The following PIP5K1B variants were observed in gnomAD, a reference collection of about 807,000 sequenced individuals.
PIP5K1B encodes the protein phosphatidylinositol-4-phosphate 5-kinase type 1 beta, also known as phosphatidylinositol 4-phosphate 5-kinase type-1 beta.
A neutral mutation model predicts 67.0 loss-of-function variants in PIP5K1B; 42 were observed. That is an observed-to-expected ratio of 0.63 (90% CI 0.49 to 0.81). PIP5K1B has a LOEUF of 0.81. Among genes scored for constraint, PIP5K1B ranks in the 30% least tolerant of loss-of-function variants. The pLI is 0.00. For synonymous variants in PIP5K1B, 214 were observed against 231.4 expected (o/e 0.92, Z 0.68); for missense variants, 459 against 646.3 (o/e 0.71, Z 3.14).
intron 2 of PIP5K1B, among the ~76,000 whole-genome samples, chr9:68,796,806 C>T (rs1384078096): frequency 6.6e-6 from 1 of 152,164 alleles, no homozygotes; most frequent in Admixed American, 6.5e-5. Flanking sequence ...AGGTCACCAC[C>T]GTTTCCGTCT....
chr9:68,754,175 C>CTTTTTTTTTTTTTTTTTTTTTTTTTTT lies in PIP5K1B; in HGVS notation c.-86+11530_-86+11531insTTTTTTTTTTTTTTTTTTTTTTTTTTT, dbSNP rs71353081. On this transcript the variant is annotated intron_variant, in intron 2 of 15. Transcript: ENST00000265382. Reference sequence around the variant, plus strand: ...AGTCTTCTTTTATGTTCCATGATTTCTTTTTTTTTTTTGAGACAGAGTCTC... The same window carrying CTTTTTTTTTTTTTTTTTTTTTTTTTTT: ...AGTCTTCTTTTATGTTCCATGATTTCTTTTTTTTTTTTTTTTTTTTTTTTTTTTTTTTTTTTTTTGAGACAGAGTCTC... 4.7e-4 allele frequency among the ~76,000 whole-genome samples: 48 copies of CTTTTTTTTTTTTTTTTTTTTTTTTTTT among 101,066 alleles called. 9 individuals are homozygous for CTTTTTTTTTTTTTTTTTTTTTTTTTTT. Among genetic ancestry groups the CTTTTTTTTTTTTTTTTTTTTTTTTTTT allele is most frequent in the South Asian group, 1.0e-3 (3 of 2,912 alleles). 66.3% of individuals were successfully genotyped at this position (101,066 alleles called of 152,430 possible).
intron 2 of PIP5K1B, among the ~76,000 whole-genome samples, chr9:68,794,198 A>C (rs1832159312): frequency 6.6e-6 from 1 of 152,212 alleles, no homozygotes. Flanking sequence ...AGTGAGCACA[A>C]TTGGAGACAG....
chr9:68,808,387 T>C (rs28508550), intron 2 of PIP5K1B, among the ~76,000 whole-genome samples: 77,687 of 151,426 alleles, frequency 0.51, 19,962 homozygotes, highest in Non-Finnish European at 0.55. Context: ...AACTAATTAC[T>C]CCCCCCGACT....
intron 8 of PIP5K1B, among the ~76,000 whole-genome samples, chr9:68,908,336 A>AATATAT: frequency 6.7e-6 from 1 of 149,074 alleles, no homozygotes; most frequent in African/African-American, 2.4e-5. Context: ...GAAGCTGGTG[A>AATATAT]ATATATATAT....
intron 15 of PIP5K1B, among the ~76,000 whole-genome samples, chr9:68,997,812 C>G (rs1303036322): frequency 6.6e-6 from 1 of 152,028 alleles, no homozygotes; most frequent in Non-Finnish European, 1.5e-5. Flanking sequence ...TAGGAGGTCA[C>G]CCATAGGATT....
chr9:68,890,296 A>G (rs1824717718), intron 7 of PIP5K1B, among the ~76,000 whole-genome samples: 1 of 152,232 alleles, frequency 6.6e-6, no homozygotes, highest in Non-Finnish European at 1.5e-5. Context: ...AAAATTTTCA[A>G]AACTATCCCC....
chr9:68,836,246 T>A (rs1834602177), intron 4 of PIP5K1B, among the ~76,000 whole-genome samples: 1 of 152,256 alleles, frequency 6.6e-6, no homozygotes. Flanking sequence ...TTAATTATTC[T>A]AATCTTGGAG....
At chr9:68,820,507 T>C in intron 3 of PIP5K1B, among the ~76,000 whole-genome samples, 1 of 152,158 alleles carries the variant, frequency 6.6e-6, no homozygotes, top group South Asian at 2.1e-4. Flanking sequence ...TTTATTTTCC[T>C]GGATGGTTTT....
intron 14 of PIP5K1B, among the ~76,000 whole-genome samples, chr9:68,959,332 A>G (rs980118541): frequency 3.3e-5 from 5 of 152,180 alleles, no homozygotes; most frequent in African/African-American, 1.2e-4. Flanking sequence ...ACATATTTCT[A>G]TGGAACAAAA....
At chr9:68,737,015 T>C (rs1564097504) in intron 1 of PIP5K1B, among the ~76,000 whole-genome samples, 1 of 152,208 alleles carries the variant, frequency 6.6e-6, no homozygotes, top group Non-Finnish European at 1.5e-5. Flanking sequence ...CCTATAATTA[T>C]ATACTTTGAC....
intron 2 of PIP5K1B, among the ~76,000 whole-genome samples, chr9:68,769,992 C>T (rs1830604688): frequency 6.6e-6 from 1 of 152,164 alleles, no homozygotes; most frequent in South Asian, 2.1e-4. Context: ...GTTTTCCACG[C>T]CTTCTCTCCT....
chr9:68,940,785 A>G lies in PIP5K1B; in HGVS notation c.1497A>G (p.Ser499=), dbSNP rs764792904. 4 of 1,613,696 alleles carry G rather than the reference A, an allele frequency of 2.5e-6. No individual in the cohort carries two copies. Among genetic ancestry groups the G allele is most frequent in the South Asian group, 2.2e-5 (2 of 91,084 alleles). ...CACACGACAGGCCTACACTCTATTC[A>G]AACAGGTAATACTTAGTGCAGTCAA... ...HYPHDRPTLY[S]NSKGLPSSST... Residue 499 remains serine (S), a synonymous_variant, in exon 14 of 16, where the codon TCA becomes TCG. Transcript: ENST00000265382.
At chr9:68,731,404 A>C (rs368827080) in intron 1 of PIP5K1B, among the ~76,000 whole-genome samples, 14 of 152,236 alleles carry the variant, frequency 9.2e-5, no homozygotes, top group Non-Finnish European at 1.9e-4. Context: ...GATGTTGACC[A>C]CTTCCATAGA....
chr9:68,751,644 A>G (rs58363478), intron 2 of PIP5K1B, among the ~76,000 whole-genome samples: 5,448 of 152,290 alleles, frequency 0.036, 166 homozygotes, highest in East Asian at 0.1. Context: ...AGGGATTTAC[A>G]TAGACATTTG....
intron 1 of PIP5K1B, among the ~76,000 whole-genome samples, chr9:68,733,313 G>GTT (rs1380438275): frequency 6.6e-6 from 1 of 152,176 alleles, no homozygotes; most frequent in African/African-American, 2.4e-5. Flanking sequence ...TGTGAGCCAG[G>GTT]CTGGCATTGG....
At chr9:68,759,579 T>G (rs934209708) in intron 2 of PIP5K1B, among the ~76,000 whole-genome samples, 1 of 152,048 alleles carries the variant, frequency 6.6e-6, no homozygotes, top group African/African-American at 2.4e-5. Context: ...ATGGCATCCC[T>G]AAATCCAACC....
At chr9:68,757,633 G>A (rs1217821399) in intron 2 of PIP5K1B, among the ~76,000 whole-genome samples, 1 of 152,050 alleles carries the variant, frequency 6.6e-6, no homozygotes, top group Non-Finnish European at 1.5e-5. Context: ...ACCATGTGTG[G>A]ATACTAAGCC....
chr9:68,849,147 G>A (rs1822349431), intron 4 of PIP5K1B, among the ~76,000 whole-genome samples: 1 of 152,116 alleles, frequency 6.6e-6, no homozygotes, highest in South Asian at 2.1e-4. Context: ...AGAAATAAAT[G>A]TATAGGAGTA....
chr9:68,869,099 T>C (rs1195628209), intron 5 of PIP5K1B, among the ~76,000 whole-genome samples: 1 of 152,208 alleles, frequency 6.6e-6, no homozygotes. Context: ...CTAGGCATAA[T>C]GACATAAACT....
Sources: gnomAD v4.1 joint callset for allele counts (sites outside exome capture counted in the v4.1 genomes callset) on GRCh38, gnomAD v4.1.1 for gene constraint, MANE v1.5 for transcripts, NCBI Gene and HGNC (gene_info 2026-07-23, HGNC 2026-07-21) for gene names.